The following PKHD1 variants were observed in gnomAD, a reference collection of about 807,000 sequenced individuals.
PKHD1 encodes the protein fibrocystin.
In PKHD1, 291 loss-of-function variants were observed where a neutral mutation model predicts 412.0. That is an observed-to-expected ratio of 0.71 (90% CI 0.64 to 0.78). The LOEUF (loss-of-function observed/expected upper bound fraction) is 0.78. Ranked by LOEUF, PKHD1 falls within the 30% of genes least tolerant of loss-of-function variation. PKHD1 has a pLI of 0.00. For missense variants in PKHD1, 4,825 were observed against 4,950.7 expected (o/e 0.97, Z 0.76); for synonymous variants, 1,777 against 1,821.5 (o/e 0.98, Z 0.62).
intron 60 of PKHD1, among the ~76,000 whole-genome samples, chr6:51,664,041 C>T: frequency 6.6e-6 from 1 of 151,908 alleles, no homozygotes; most frequent in East Asian, 1.9e-4. Flanking sequence ...CTTCCAAGGC[C>T]AAAATAATAA....
chr6:51,644,642 G>T (rs1444704313), intron 63 of PKHD1, among the ~76,000 whole-genome samples: 1 of 152,116 alleles, frequency 6.6e-6, no homozygotes, highest in African/African-American at 2.4e-5. Context: ...CCACAGAAAT[G>T]CCCTACCTGA....
chr6:52,065,089 GTAGGTATACATATATATGTATA>G (rs755844080), intron 12 of PKHD1, 39 bp from the exon 13 acceptor site: 1 of 867,642 alleles, frequency 1.2e-6, no homozygotes, highest in Non-Finnish European at 1.8e-6. Context: ...GTGTGTGTGT[GTAGGTATACATATATATGTATA>G]TGTGTGTGGG....
chr6:51,940,161 G>A (rs1788250389), intron 36 of PKHD1, among the ~76,000 whole-genome samples: 1 of 151,532 alleles, frequency 6.6e-6, no homozygotes, highest in Admixed American at 6.6e-5. Context: ...AAGGTCAAAA[G>A]GCCGTCTTAT....
chr6:51,907,228 G>A (rs1371030871), intron 40 of PKHD1, among the ~76,000 whole-genome samples: 3 of 152,138 alleles, frequency 2.0e-5, no homozygotes, highest in Non-Finnish European at 4.4e-5. Flanking sequence ...AGATACAGAT[G>A]CCAAGTGCTG....
intron 43 of PKHD1, among the ~76,000 whole-genome samples, chr6:51,899,271 A>G (rs2127601233): frequency 6.6e-6 from 1 of 151,998 alleles, no homozygotes; most frequent in South Asian, 2.1e-4. Flanking sequence ...TCCTCAATAA[A>G]ATACTGGCAA....
intron 52 of PKHD1, among the ~76,000 whole-genome samples, chr6:51,806,992 C>T (rs183313463): frequency 6.6e-6 from 1 of 152,008 alleles, no homozygotes; most frequent in Admixed American, 6.6e-5. Context: ...CTGAGGATAC[C>T]TAAAATACCC....
intron 40 of PKHD1, 22 bp from the exon 41 acceptor site, chr6:51,906,362 A>G (rs1306618323): frequency 6.2e-7 from 1 of 1,602,312 alleles, no homozygotes; most frequent in Non-Finnish European, 8.5e-7. Context: ...AGAGTAAAGT[A>G]AAAATTAGAT....
At chr6:51,912,029 T>A in intron 38 of PKHD1, 73 bp from the exon 39 acceptor site, 2 of 1,156,072 alleles carry the variant, frequency 1.7e-6, no homozygotes, top group Non-Finnish European at 1.3e-6. Flanking sequence ...AGCCACTAGA[T>A]TAACATAATT....
At chr6:51,794,106 G>A (rs1452742069) in intron 52 of PKHD1, among the ~76,000 whole-genome samples, 2 of 144,372 alleles carry the variant, frequency 1.4e-5, no homozygotes, top group Admixed American at 1.4e-4. Flanking sequence ...GCGTGATCTC[G>A]GCTCACTGCA....
At chr6:51,995,764 A>G (rs922116099) in intron 35 of PKHD1, among the ~76,000 whole-genome samples, 5 of 152,192 alleles carry the variant, frequency 3.3e-5, no homozygotes, top group Admixed American at 3.3e-4. Flanking sequence ...AGTACATTCT[A>G]CGAGGTAGGA....
rs755183117 is a variant in PKHD1 at position 52,035,701 on chromosome 6, G to A, written c.3118C>T (p.Arg1040Ter). 6.2e-6 allele frequency: 10 copies of A among 1,613,836 alleles called. No homozygotes were observed. Among genetic ancestry groups the A allele is most frequent in the East Asian group, 2.2e-5 (1 of 44,868 alleles). Reference protein sequence around the residue: ...ADIGGLWATIRGSSLEGVSLI... With the variant: ...ADIGGLWATI ...CTAACACCTTCCAAACTAGAGCCTC[G>A]GATGGTGGCCCAGAGCCCTCCTGTA... The change falls in exon 28 of 67, where the codon CGA (arginine) becomes TGA (stop). Residue 1040 changes from arginine (R) to a stop codon, truncating the protein, a stop_gained. Coordinates refer to ENST00000371117, the MANE Select transcript of PKHD1 (RefSeq NM_138694.4). LOFTEE classifies it high-confidence loss of function.
chr6:51,939,698 C>T lies in PKHD1; in HGVS notation c.5909-5376G>A, dbSNP rs546892036. 7.3e-5 allele frequency among the ~76,000 whole-genome samples: 11 copies of T among 151,546 alleles called. No individual in the cohort carries two copies. In the East Asian group the frequency reaches 7.7e-4, roughly 11 times the overall value. ...TCCTCCCTAGTCTCTGTTCCCAATG[C>T]GACTCATCCCAAATCCTCCTTCTTT... On this transcript the variant is annotated intron_variant, in intron 36 of 66. Transcript: ENST00000371117.
chr6:51,944,194 C>T (rs1350569793), intron 36 of PKHD1, among the ~76,000 whole-genome samples: 1 of 152,160 alleles, frequency 6.6e-6, no homozygotes, highest in Non-Finnish European at 1.5e-5. Context: ...CTTCTCCTGG[C>T]TCATCCTGGC....
chr6:51,649,014 C>A (rs2150365951), intron 62 of PKHD1, 71 bp downstream of exon 62: 1 of 1,443,484 alleles, frequency 6.9e-7, no homozygotes, highest in East Asian at 2.3e-5. Context: ...TGATGACACA[C>A]TCTAAAAGAT....
intron 52 of PKHD1, among the ~76,000 whole-genome samples, chr6:51,791,678 C>A (rs1348241934): frequency 6.6e-6 from 1 of 152,158 alleles, no homozygotes; most frequent in Non-Finnish European, 1.5e-5. Context: ...AGCTCCCTAC[C>A]CTTTGTCCTG....
In PKHD1 at chr6:51,644,008, T is replaced by A. The variant is rs77325089; in HGVS notation, c.11398+4023A>T. ...TCAAATTGAAAAGAGAGTGGGAAAA[T>A]TTATTGTTCTAATAAAACAATAAGA... is the stretch of plus-strand genomic sequence containing the variant. On this transcript the variant is annotated intron_variant, in intron 63 of 66. Transcript: ENST00000371117. Among the ~76,000 whole-genome samples the A allele has an allele frequency of 5.4e-3, 819 of 152,154 alleles. 7 individuals are homozygous for A. The highest frequency in any genetic ancestry group is 0.019 in the African/African-American group (774 of 41,518).
chr6:52,010,146 C>A (rs574702060), intron 35 of PKHD1, among the ~76,000 whole-genome samples, 163 bp downstream of exon 35: 1 of 152,108 alleles, frequency 6.6e-6, no homozygotes, highest in Non-Finnish European at 1.5e-5. Context: ...CCAGAGTTAA[C>A]TATGAATTCA....
chr6:51,808,113 G>A (rs1764125614), intron 52 of PKHD1, among the ~76,000 whole-genome samples: 1 of 152,072 alleles, frequency 6.6e-6, no homozygotes, highest in Admixed American at 6.6e-5. Flanking sequence ...TACTAATATG[G>A]AATAATCATA....
intron 51 of PKHD1, among the ~76,000 whole-genome samples, chr6:51,835,171 A>ATACTACAT: frequency 1.3e-5 from 2 of 152,212 alleles, no homozygotes; most frequent in African/African-American, 4.8e-5. Flanking sequence ...GAGAATCCTT[A>ATACTACAT]GTACAGAAAT....
Sources: allele counts gnomAD v4.1 joint callset (sites outside exome capture counted in the v4.1 genomes callset), GRCh38; gene constraint gnomAD v4.1.1; transcripts MANE v1.5; gene names NCBI Gene and HGNC (gene_info 2026-07-23, HGNC 2026-07-21).